OSBPL3: variants seen among roughly 807,000 people sequenced by gnomAD.
OSBPL3 encodes the protein oxysterol binding protein like 3.
OSBPL3 carries 65 observed loss-of-function variants against 120.1 expected under a neutral mutation model. The ratio of observed to expected loss-of-function variants is 0.54; its 90% CI spans 0.44 to 0.67. The LOEUF (loss-of-function observed/expected upper bound fraction) is 0.67. Among genes scored for constraint, OSBPL3 ranks in the 30% least tolerant of loss-of-function variants. The probability of loss-of-function intolerance (pLI) is 0.00; values close to 1 mark genes in which losing one functional copy is unlikely to be tolerated. For missense variants in OSBPL3, 1,004 were observed against 1,082.1 expected (o/e 0.93, Z 1.01); for synonymous variants, 416 against 402.6 (o/e 1.03, Z -0.40).
chr7:24,921,462 T>G (rs566220475), intron 1 of OSBPL3, among the ~76,000 whole-genome samples: 1 of 152,266 alleles, frequency 6.6e-6, no homozygotes, highest in African/African-American at 2.4e-5. Flanking sequence ...CAAAACACAT[T>G]TTTTCATAGA....
At chr7:24,901,540 A>G (rs917829009) in intron 1 of OSBPL3, among the ~76,000 whole-genome samples, 3 of 152,226 alleles carry the variant, frequency 2.0e-5, no homozygotes, top group Non-Finnish European at 2.9e-5. Flanking sequence ...GCCAAACATT[A>G]TAACTTTGAA....
intron 14 of OSBPL3, among the ~76,000 whole-genome samples, chr7:24,839,524 A>G (rs1415565055): frequency 6.6e-6 from 1 of 152,226 alleles, no homozygotes; most frequent in East Asian, 1.9e-4. Flanking sequence ...AGAGATAGCC[A>G]TTTGTTACTT....
intron 11 of OSBPL3, among the ~76,000 whole-genome samples, chr7:24,850,533 C>A (rs775284512): frequency 6.6e-6 from 1 of 152,224 alleles, no homozygotes; most frequent in African/African-American, 2.4e-5. Flanking sequence ...TAATCCTCTA[C>A]CTGGATCTCC....
chr7:24,975,516 A>T (rs73691287), intron 1 of OSBPL3, among the ~76,000 whole-genome samples: 37 of 152,306 alleles, frequency 2.4e-4, no homozygotes, highest in African/African-American at 8.4e-4. Flanking sequence ...AATTTAAGCA[A>T]ATATAATTAA....
At position 24,817,306 on chromosome 7, in the gene OSBPL3, C is replaced by T. The variant is rs190197667; in HGVS notation, c.1949-618G>A. Among the ~76,000 whole-genome samples the T allele has an allele frequency of 1.4e-4, 22 of 152,232 alleles. No individual in the cohort carries two copies. Among genetic ancestry groups the T allele is most frequent in the African/African-American group, 4.6e-4 (19 of 41,528 alleles). The stretch of plus-strand genomic sequence containing the variant: ...CAGAGGTGGGTGGATCATTTGAGAT[C>T]AGGAGTTCGAGACCAGCACAGCCAA... On this transcript the variant is annotated intron_variant, in intron 17 of 22. Transcript: ENST00000313367. This position sits in a 1 kb window ranked among gnomAD's most constrained non-coding sequence, Gnocchi z 4.0.
chr7:24,919,487 C>G (rs910836304), intron 1 of OSBPL3, among the ~76,000 whole-genome samples: 4 of 152,016 alleles, frequency 2.6e-5, no homozygotes, highest in Admixed American at 6.6e-5. Flanking sequence ...GGCCCCCTAC[C>G]TCACACTATA....
intron 14 of OSBPL3, among the ~76,000 whole-genome samples, chr7:24,840,327 C>G (rs542291310): frequency 1.3e-5 from 2 of 152,170 alleles, no homozygotes; most frequent in Non-Finnish European, 2.9e-5. Flanking sequence ...AGACCAACCC[C>G]TTCTCTTCTT....
In OSBPL3 at chr7:24,930,170, T is replaced by C. The variant is rs1358553737; in HGVS notation, c.-149-37549A>G. 6.6e-6 allele frequency among the ~76,000 whole-genome samples: 1 copy of C among 152,220 alleles called. No homozygotes were observed. Among genetic ancestry groups the C allele is most frequent in the Non-Finnish European group, 1.5e-5 (1 of 68,026 alleles). On this transcript the variant is annotated intron_variant, in intron 1 of 22. Transcript: ENST00000313367. The surrounding 1 kb of genome is among the most constrained non-coding windows in gnomAD (Gnocchi z 4.4). ...TAATGACCAACTGAATTGATGGCTTTATTCTTCTAATTAACTAATGATCAA... is the reference window on the plus strand; with the variant it reads ...TAATGACCAACTGAATTGATGGCTTCATTCTTCTAATTAACTAATGATCAA...
At chr7:24,950,593 G>A (rs1258772042) in intron 1 of OSBPL3, among the ~76,000 whole-genome samples, 1 of 152,190 alleles carries the variant, frequency 6.6e-6, no homozygotes, top group South Asian at 2.1e-4. Flanking sequence ...GCGGTGGCGG[G>A]TGCCTGTAGT....
chr7:24,908,223 T>C (rs1336446034), intron 1 of OSBPL3, among the ~76,000 whole-genome samples: 1 of 152,342 alleles, frequency 6.6e-6, no homozygotes, highest in African/African-American at 2.4e-5. Context: ...TGCTTCCTTG[T>C]TGGCTCAGAA....
chr7:24,980,664 G>T (rs946360145), upstream of OSBPL3, among the ~76,000 whole-genome samples: 13 of 151,870 alleles, frequency 8.6e-5, no homozygotes, highest in African/African-American at 3.1e-4. Flanking sequence ...CAGAGGAGTC[G>T]AGAACAGAGG....
At chr7:24,807,496 A>AAAT (rs147177707) in intron 20 of OSBPL3, among the ~76,000 whole-genome samples, 97 of 150,882 alleles carry the variant, frequency 6.4e-4, no homozygotes, top group Middle Eastern at 3.4e-3. Flanking sequence ...TCCATCTCAA[A>AAAT]AATAATAATA....
At position 24,798,549 on chromosome 7, in the gene OSBPL3, C is replaced by G. The variant is rs976062126; in HGVS notation, c.*1634G>C. ...ATCTTGGCATCTCGATAAAATGAAT[C>G]CAATATTTAATGAGTTGTTTTAAAA... On this transcript the variant is annotated 3_prime_UTR_variant, in exon 23 of 23. Transcript: ENST00000313367. This position sits in a 1 kb window ranked among gnomAD's most constrained non-coding sequence, Gnocchi z 4.6. 1.1e-4 allele frequency: 16 copies of G among 152,152 alleles called. No individual in the cohort carries two copies. Among genetic ancestry groups the G allele is most frequent in the African/African-American group, 3.9e-4 (16 of 41,426 alleles). 9.4% of individuals were successfully genotyped at this position (152,152 alleles called of 1,614,324 possible).
chr7:24,902,998 A>G (rs1466287666), intron 1 of OSBPL3, among the ~76,000 whole-genome samples: 1 of 152,076 alleles, frequency 6.6e-6, no homozygotes, highest in Non-Finnish European at 1.5e-5. Context: ...CACTTCAAAA[A>G]CTCCGTGGAA....
chr7:24,895,261 A>G (rs1584535852), intron 1 of OSBPL3, among the ~76,000 whole-genome samples: 1 of 152,276 alleles, frequency 6.6e-6, no homozygotes, highest in Non-Finnish European at 1.5e-5. Context: ...CCATAAGACT[A>G]TAATTCTGTA....
At position 24,819,732 on chromosome 7, in the gene OSBPL3, A is replaced by T. The variant is rs554577965; in HGVS notation, c.1948+443T>A. 2.6e-4 allele frequency among the ~76,000 whole-genome samples: 40 copies of T among 152,146 alleles called. No homozygotes were observed. Among genetic ancestry groups the T allele is most frequent in the Non-Finnish European group, 5.3e-4 (36 of 68,024 alleles). ...CCATCTAGGAAATATCTATAGCCTT[A>T]TTTATTCTTTAGAAGATTTACCCAC... On this transcript the variant is annotated intron_variant, in intron 17 of 22. Coordinates refer to ENST00000313367, the MANE Select transcript of OSBPL3 (RefSeq NM_015550.4). This position sits in a 1 kb window ranked among gnomAD's most constrained non-coding sequence, Gnocchi z 4.1.
At position 24,819,579 on chromosome 7, in the gene OSBPL3, T is replaced by C. The variant is rs1273300996; in HGVS notation, c.1948+596A>G. Among the ~76,000 whole-genome samples the C allele has an allele frequency of 6.6e-6, 1 of 152,174 alleles. No homozygotes were observed. The highest frequency in any genetic ancestry group is 1.5e-5 in the Non-Finnish European group (1 of 68,032). On this transcript the variant is annotated intron_variant, in intron 17 of 22. Coordinates refer to ENST00000313367, the MANE Select transcript of OSBPL3 (RefSeq NM_015550.4). This position sits in a 1 kb window ranked among gnomAD's most constrained non-coding sequence, Gnocchi z 4.1. ...CTGTGTGTGTAAAGGTAACGTGTGA[T>C]ATCACTAGTAGCAGAGAAAAATATT...
chr7:24,942,151 A>C (rs897834571), intron 1 of OSBPL3, among the ~76,000 whole-genome samples: 2 of 151,424 alleles, frequency 1.3e-5, no homozygotes, highest in African/African-American at 4.9e-5. Context: ...CAATATCTCA[A>C]GATGCTTTTT....
intron 1 of OSBPL3, among the ~76,000 whole-genome samples, chr7:24,929,658 C>T (rs1811543103): frequency 6.6e-6 from 1 of 152,100 alleles, no homozygotes; most frequent in Non-Finnish European, 1.5e-5. Context: ...CAATGGAAGG[C>T]TCCCTCCTTG....
Sources: allele counts gnomAD v4.1 joint callset (sites outside exome capture counted in the v4.1 genomes callset), GRCh38; gene constraint gnomAD v4.1.1; non-coding constraint Gnocchi (gnomAD v3.1); transcripts MANE v1.5; gene names NCBI Gene and HGNC (gene_info 2026-07-23, HGNC 2026-07-21).